The following DNA2 variants were observed in gnomAD, a reference collection of about 807,000 sequenced individuals.
DNA2 encodes the protein DNA replication ATP-dependent helicase/nuclease DNA2.
In DNA2, 101 loss-of-function variants were observed where a neutral mutation model predicts 119.1. That is an observed-to-expected ratio of 0.85 (90% CI 0.72 to 1.00). The LOEUF is 1.00. DNA2 is among the 50% of genes least tolerant of loss of function. The pLI is 0.00. For synonymous variants in DNA2, 366 were observed against 424.4 expected, an observed-to-expected ratio of 0.86 and a Z score of 1.69; for missense variants, 1,121 against 1,255.5, an observed-to-expected ratio of 0.89 and a Z score of 1.62.
chr10:68,432,075 T>G (rs531218657), intron 12 of DNA2, 104 bp from the exon 13 acceptor site: 355 of 1,142,288 alleles, frequency 3.1e-4, no homozygotes, highest in Non-Finnish European at 4.3e-4. Flanking sequence ...TATTCTTCAA[T>G]ACAAAACCAT....
At chr10:68,458,388 C>T (rs897862155) in intron 5 of DNA2, among the ~76,000 whole-genome samples, 1 of 151,712 alleles carries the variant, frequency 6.6e-6, no homozygotes, top group African/African-American at 2.4e-5. Flanking sequence ...AAAAAATTAG[C>T]CGGGTATGGT....
At chr10:68,422,980 T>C (rs2051686800) in intron 14 of DNA2, 90 bp from the exon 15 acceptor site, 1 of 980,238 alleles carries the variant, frequency 1.0e-6, no homozygotes, top group Non-Finnish European at 1.5e-6. Context: ...GATCAAAAGG[T>C]TTTTGTTCTA....
Position 68,445,006 on chromosome 10 carries a change from G to A in DNA2, c.1135C>T (p.Gln379Ter). Residue 379 changes from glutamine (Q) to a stop codon, truncating the protein, a stop_gained, in exon 8 of 21, where the codon CAG (glutamine) becomes TAG (stop). Coordinates refer to ENST00000358410, the MANE Select transcript of DNA2 (RefSeq NM_001080449.3). LOFTEE classifies it high-confidence loss of function. ...ISKSATRQKT[Q>*]LASLPQIIEE... ...ATTATTTGTGGCAAAGAAGCAAGCT[G>A]TGTCTTCTGTCTAGTAGCAGATTTG... 3 of 1,613,344 alleles carry A rather than the reference G, an allele frequency of 1.9e-6. No individual in the cohort carries two copies. The highest frequency in any genetic ancestry group is 2.5e-6 in the Non-Finnish European group (3 of 1,179,464).
At chr10:68,438,883 A>T (rs934353330) in intron 9 of DNA2, among the ~76,000 whole-genome samples, 1 of 151,598 alleles carries the variant, frequency 6.6e-6, no homozygotes, top group African/African-American at 2.4e-5. Flanking sequence ...AAAATACAAA[A>T]TTAGCCAGGC....
At chr10:68,423,259 A>G (rs536736532) in intron 14 of DNA2, among the ~76,000 whole-genome samples, 1 of 151,430 alleles carries the variant, frequency 6.6e-6, no homozygotes, top group Admixed American at 6.6e-5. Flanking sequence ...TCCACAAACG[A>G]CAACTAAAAT....
intron 10 of DNA2, among the ~76,000 whole-genome samples, chr10:68,435,014 G>C (rs1445897258): frequency 6.6e-6 from 1 of 152,092 alleles, no homozygotes. Context: ...GAGGGAATAT[G>C]GATTATTCGT....
intron 10 of DNA2, among the ~76,000 whole-genome samples, chr10:68,436,073 G>T (rs888621967): frequency 6.6e-6 from 1 of 152,058 alleles, no homozygotes; most frequent in Non-Finnish European, 1.5e-5. Flanking sequence ...CCATGCCTAG[G>T]TAACTACAAA....
chr10:68,445,154 T>C, intron 7 of DNA2, 71 bp from the exon 8 acceptor site: 1 of 1,384,798 alleles, frequency 7.2e-7, no homozygotes. Context: ...ACTACATATG[T>C]AAAACTTGCA....
intron 5 of DNA2, among the ~76,000 whole-genome samples, chr10:68,457,541 C>T (rs2052200563): frequency 6.6e-6 from 1 of 152,100 alleles, no homozygotes; most frequent in African/African-American, 2.4e-5. Context: ...ACAGTCTGGT[C>T]CCCTGCTGTT....
At chr10:68,434,253 C>G (rs2051858488) in intron 10 of DNA2, among the ~76,000 whole-genome samples, 1 of 149,664 alleles carries the variant, frequency 6.7e-6, no homozygotes, top group African/African-American at 2.5e-5. Flanking sequence ...CCAGCCTGGG[C>G]AACAGTGAGA....
At position 68,418,550 on chromosome 10, in the gene DNA2, G is replaced by A. The variant is rs530595836; in HGVS notation, c.2967+484C>T. Among the ~76,000 whole-genome samples the A allele has an allele frequency of 3.3e-3, 492 of 150,916 alleles. 3 individuals are homozygous for A. The highest frequency in any genetic ancestry group is 0.011 in the African/African-American group (469 of 41,154). On this transcript the variant is annotated intron_variant, in intron 19 of 20. Coordinates refer to ENST00000358410, the MANE Select transcript of DNA2 (RefSeq NM_001080449.3). Reference sequence around the variant, plus strand: ...TACATAGGTAGACATGTGCCATGGCGGTTTGCTGCACCTGTTGACCCATCC... The same window carrying A: ...TACATAGGTAGACATGTGCCATGGCAGTTTGCTGCACCTGTTGACCCATCC...
chr10:68,434,528 T>C (rs897103193), intron 10 of DNA2, among the ~76,000 whole-genome samples: 1 of 151,914 alleles, frequency 6.6e-6, no homozygotes, highest in African/African-American at 2.4e-5. Flanking sequence ...GGCATGCACC[T>C]GTGGTCCCAG....
Position 68,435,237 on chromosome 10 carries a change from G to A in DNA2, c.1646+1774C>T, listed in dbSNP as rs571813652. ...TAATTTTTGTATTTTTGGTAGAGAC[G>A]AGGTTTTACTTATGTTGCCCAGGCT... is the stretch of plus-strand genomic sequence containing the variant. On this transcript the variant is annotated intron_variant, in intron 10 of 20. Coordinates refer to ENST00000358410, the MANE Select transcript of DNA2 (RefSeq NM_001080449.3). 3.0e-4 allele frequency among the ~76,000 whole-genome samples: 46 copies of A among 151,934 alleles called. No homozygotes were observed. In the South Asian group the frequency reaches 3.5e-3, roughly 12 times the overall value.
chr10:68,425,826 C>T (rs1211577529), intron 14 of DNA2, among the ~76,000 whole-genome samples: 1 of 150,624 alleles, frequency 6.6e-6, no homozygotes, highest in Non-Finnish European at 1.5e-5. Flanking sequence ...AAAACAAAAA[C>T]CCCAAAAACC....
In DNA2 at chr10:68,444,957, T is replaced by C. The variant is rs775083244; in HGVS notation, c.1184A>G (p.Tyr395Cys). Residue 395 changes from tyrosine to cysteine, a missense_variant, in exon 8 of 21, where the codon TAT becomes TGT. By Grantham distance (194) the Tyr-to-Cys change is radical (BLOSUM62 -2). Coordinates refer to ENST00000358410, the MANE Select transcript of DNA2 (RefSeq NM_001080449.3). Reference sequence around the variant, plus strand: ...AGCACAATTGCCAATTTGTGAACAATATTTACAAGTTTTCTCTTCCTCAAT... The same window carrying C: ...AGCACAATTGCCAATTTGTGAACAACATTTACAAGTTTTCTCTTCCTCAAT... ...QIIEEEKTCK[Y>C]CSQIGNCALY... 6.8e-6 allele frequency: 11 copies of C among 1,613,530 alleles called. No individual in the cohort carries two copies. Among genetic ancestry groups the C allele is most frequent in the Non-Finnish European group, 8.5e-7 (1 of 1,179,748 alleles).
At chr10:68,422,182 T>C (rs777654502) in intron 17 of DNA2, 43 bp downstream of exon 17, 8 of 1,417,162 alleles carry the variant, frequency 5.6e-6, no homozygotes, top group Admixed American at 5.4e-5. Context: ...ATTTAAATAA[T>C]AGGACAAAAT....
At chr10:68,433,773 C>T (rs1339660094) in intron 10 of DNA2, among the ~76,000 whole-genome samples, 1 of 152,152 alleles carries the variant, frequency 6.6e-6, no homozygotes, top group African/African-American at 2.4e-5. Flanking sequence ...ATACGTAAGA[C>T]ATTCTATGAC....
intron 4 of DNA2, among the ~76,000 whole-genome samples, chr10:68,464,087 C>T (rs1290561033): frequency 1.3e-5 from 2 of 152,214 alleles, no homozygotes; most frequent in African/African-American, 4.8e-5. Context: ...TTGCAAAAGG[C>T]TGTTTGAAAT....
chr10:68,455,564 T>C (rs556534228), intron 5 of DNA2, among the ~76,000 whole-genome samples: 2 of 152,244 alleles, frequency 1.3e-5, no homozygotes, highest in Admixed American at 6.5e-5. Flanking sequence ...CTCATGCCTG[T>C]AATCCCAACA....
Sources: gnomAD v4.1 joint callset for allele counts (sites outside exome capture counted in the v4.1 genomes callset) on GRCh38, gnomAD v4.1.1 for gene constraint, MANE v1.5 for transcripts, NCBI Gene and HGNC (gene_info 2026-07-23, HGNC 2026-07-21) for gene names.